The following LSG1 variants were observed in gnomAD, a reference collection of about 807,000 sequenced individuals.
LSG1 encodes large subunit GTPase 1 homolog.
Under a neutral mutation model 82.6 loss-of-function variants are expected in LSG1, and 55 were observed. That is an observed-to-expected ratio of 0.67 (90% CI 0.54 to 0.83). LSG1 has a LOEUF of 0.83. Ranked by LOEUF, LSG1 falls within the 40% of genes least tolerant of loss-of-function variation. The pLI is 0.00. For missense variants in LSG1, 809 were observed against 807.9 expected (o/e 1.00, Z -0.02); for synonymous variants, 272 against 282.5 (o/e 0.96, Z 0.37).
At chr3:194,648,075 A>ATTT (rs990548703) in intron 11 of LSG1, among the ~76,000 whole-genome samples, 1,596 of 117,896 alleles carry the variant, frequency 0.014, 46 homozygotes, top group African/African-American at 0.049. Context: ...CCACACTGCT[A>ATTT]TTTTTTTTTT....
intron 5 of LSG1, among the ~76,000 whole-genome samples, chr3:194,665,126 CCCTGGTG>C (rs1049057252): frequency 6.6e-6 from 1 of 152,116 alleles, no homozygotes; most frequent in Non-Finnish European, 1.5e-5. Context: ...ATCTGTGTGT[CCCTGGTG>C]CCTGGTGCTT....
chr3:194,665,090 C>T (rs1210579778), intron 5 of LSG1, among the ~76,000 whole-genome samples: 5 of 152,178 alleles, frequency 3.3e-5, no homozygotes, highest in Non-Finnish European at 5.9e-5. Flanking sequence ...ATTAAGTTTT[C>T]TGAGTGCAAG....
chr3:194,656,221 A>C (rs1000447251), intron 7 of LSG1, among the ~76,000 whole-genome samples: 1 of 151,300 alleles, frequency 6.6e-6, no homozygotes, highest in African/African-American at 2.4e-5. Context: ...GGCAACCTAC[A>C]GAATGGGAGA....
chr3:194,641,564 G>A lies in LSG1; in HGVS notation c.*504C>T, dbSNP rs1197431685. 1 of 152,422 alleles carries A rather than the reference G, an allele frequency of 6.6e-6. No homozygotes were observed. Among genetic ancestry groups the A allele is most frequent in the East Asian group, 1.9e-4 (1 of 5,200 alleles). The allele number at this position is 152,422 out of a possible 1,614,324, so 9.4% of individuals were successfully genotyped here. On this transcript the variant is annotated 3_prime_UTR_variant, in exon 14 of 14. Transcript: ENST00000265245. Reference sequence around the variant, plus strand: ...GGAACCCAACTAGGACACTCAGAATGGGGAATTTCTCTTTCACCTTCGTCC... The same window carrying A: ...GGAACCCAACTAGGACACTCAGAATAGGGAATTTCTCTTTCACCTTCGTCC...
Position 194,648,713 on chromosome 3 carries a change from G to A in LSG1, c.1511C>T (p.Pro504Leu). The A allele has an allele frequency of 6.2e-7, 1 of 1,614,016 alleles. No homozygotes were observed. Among genetic ancestry groups the A allele is most frequent in the Non-Finnish European group, 8.5e-7 (1 of 1,179,968 alleles). The stretch of plus-strand genomic sequence containing the variant: ...AGCTGTCAACAGTTCTTCCGATGTT[G>A]GAGGTCGGTGGGGATCTTCATCCTC... Reference protein sequence around the residue: ...PREDEDPHRPPTSEELLTAYG... With the variant: ...PREDEDPHRPLTSEELLTAYG... Residue 504 changes from proline to leucine, a missense_variant, in exon 11 of 14, where the codon CCA becomes CTA. Pro to Leu is a moderately conservative substitution (Grantham distance 98). Transcript: ENST00000265245.
chr3:194,653,610 T>C (rs1289255994), intron 7 of LSG1, among the ~76,000 whole-genome samples: 2 of 151,890 alleles, frequency 1.3e-5, no homozygotes, highest in African/African-American at 2.4e-5. Context: ...TTCAGTTCAG[T>C]GCCGTGACAG....
rs745459765 is a variant in LSG1 at position 194,670,114 on chromosome 3, CATT to C, written c.118_120del (p.Asn40del). 6.8e-6 allele frequency: 11 copies of C among 1,607,778 alleles called. No homozygotes were observed. Among genetic ancestry groups the C allele is most frequent in the Non-Finnish European group, 7.6e-6 (9 of 1,178,222 alleles). On this transcript the variant is annotated inframe_deletion, in exon 2 of 14. Coordinates refer to ENST00000265245, the MANE Select transcript of LSG1 (RefSeq NM_018385.3). ...TTAAGACGACCCCAATCATAGCCAT[CATT>C]GAGTTCACTTGTGTGCAACTATGAA... is the stretch of plus-strand genomic sequence containing the variant.
In LSG1 at chr3:194,645,515, C is replaced by CACACACACACAGACAG. The variant is rs1560219520; in HGVS notation, c.1623+648_1623+649insCTGTCTGTGTGTGTGT. On this transcript the variant is annotated intron_variant, in intron 12 of 13. Transcript: ENST00000265245. Reference sequence around the variant, plus strand: ...AGTGCTACACACACACACACACACACACACACACACACACAGACAGACACA... The same window carrying CACACACACACAGACAG: ...AGTGCTACACACACACACACACACACACACACACACAGACAGACACACACACACACAGACAGACACA... The CACACACACACAGACAG allele has an allele frequency of 2.3e-3, 125 of 53,956 alleles. 6 individuals are homozygous for CACACACACACAGACAG. The highest frequency in any genetic ancestry group is 3.6e-3 in the Non-Finnish European group (85 of 23,796). The allele number at this position is 53,956 out of a possible 1,614,324, so 3.3% of individuals were successfully genotyped here. A position where few individuals can be genotyped will look rare whatever the true frequency, so the allele number is the denominator to read the frequency against.
chr3:194,653,390 C>T (rs1718721645), intron 7 of LSG1, among the ~76,000 whole-genome samples: 1 of 152,014 alleles, frequency 6.6e-6, no homozygotes, highest in South Asian at 2.1e-4. Context: ...TGGTGCACAC[C>T]TGTAATCCCA....
At chr3:194,667,578 G>A (rs1191163465) in intron 2 of LSG1, among the ~76,000 whole-genome samples, 1 of 151,892 alleles carries the variant, frequency 6.6e-6, no homozygotes, top group Non-Finnish European at 1.5e-5. Flanking sequence ...TTCCAGCTGT[G>A]GCTCTCTCAC....
chr3:194,642,546 T>C (rs140737703), intron 13 of LSG1, among the ~76,000 whole-genome samples: 54 of 152,214 alleles, frequency 3.5e-4, no homozygotes, highest in African/African-American at 1.2e-3. Context: ...ACTTAACCTG[T>C]TTCAACCACA....
In LSG1 at chr3:194,651,209, T is replaced by C. The variant is rs34461158; in HGVS notation, c.1181A>G (p.Tyr394Cys). Residue 394 changes from tyrosine (Y) to cysteine (C), a missense_variant, in exon 9 of 14, where the codon TAC becomes TGC. Tyr to Cys is a radical substitution (Grantham distance 194). Coordinates refer to ENST00000265245, the MANE Select transcript of LSG1 (RefSeq NM_018385.3). ...DGQLTVGLVG[Y>C]PNVGKSSTIN... ...TGTTGAACTCTTACCAACATTAGGG[T>C]AGCCCACCTAGAAGAGACTCAGAAG... is the stretch of plus-strand genomic sequence containing the variant. The C allele has an allele frequency of 1.5e-4, 239 of 1,612,858 alleles. No homozygotes were observed. The highest frequency in any genetic ancestry group is 1.6e-4 in the Middle Eastern group (1 of 6,084).
chr3:194,662,919 G>A (rs901326107), intron 5 of LSG1, among the ~76,000 whole-genome samples: 1 of 152,146 alleles, frequency 6.6e-6, no homozygotes, highest in Non-Finnish European at 1.5e-5. Context: ...CACCTAAACA[G>A]GCAGGCTTGT....
At chr3:194,660,673 GCAAA>G in intron 5 of LSG1, 2 of 300,230 alleles carry the variant, frequency 6.7e-6, no homozygotes, top group South Asian at 5.9e-5. Flanking sequence ...CATATTTTTG[GCAAA>G]CAATCATCCA....
chr3:194,654,996 AC>A (rs1718763176), intron 7 of LSG1, among the ~76,000 whole-genome samples: 1 of 152,214 alleles, frequency 6.6e-6, no homozygotes, highest in African/African-American at 2.4e-5. Context: ...ATATCAGGCT[AC>A]TTCTAATACA....
chr3:194,656,762 T>A (rs1181534980), intron 7 of LSG1, among the ~76,000 whole-genome samples: 1 of 151,980 alleles, frequency 6.6e-6, no homozygotes, highest in African/African-American at 2.4e-5. Flanking sequence ...TGTCCAACAA[T>A]GATAGACTGG....
rs200962492 is a variant in LSG1 at position 194,672,081 on chromosome 3, G to A, written c.82C>T (p.Arg28Cys). ...RHQTQRSRSH[R>C]HTDSWLHTSE... is the part of the protein sequence containing the mutation. Reference sequence around the variant, plus strand: ...TGTCTTACCCAGGAGTCAGTGTGACGATGGCTTCGGCTCCGCTGAGTCTGA... The same window carrying A: ...TGTCTTACCCAGGAGTCAGTGTGACAATGGCTTCGGCTCCGCTGAGTCTGA... The change falls in exon 1 of 14, where the codon CGT becomes TGT. Residue 28 changes from arginine (R) to cysteine (C), a missense_variant. By Grantham distance (180) the Arg-to-Cys change is radical. Coordinates refer to ENST00000265245, the MANE Select transcript of LSG1 (RefSeq NM_018385.3). 112 of 1,611,962 alleles carry A rather than the reference G, an allele frequency of 6.9e-5. No individual in the cohort carries two copies. Among genetic ancestry groups the A allele is most frequent in the Non-Finnish European group, 8.0e-5 (94 of 1,179,930 alleles).
intron 8 of LSG1, among the ~76,000 whole-genome samples, chr3:194,651,896 G>C (rs1398839733): frequency 6.6e-6 from 1 of 152,188 alleles, no homozygotes; most frequent in Non-Finnish European, 1.5e-5. Context: ...AGGTCTGTCT[G>C]ATTCCACAGA....
chr3:194,646,285 A>C (rs376646451), intron 11 of LSG1, 42 bp from the exon 12 acceptor site: 5 of 1,496,204 alleles, frequency 3.3e-6, no homozygotes, highest in Non-Finnish European at 3.7e-6. Context: ...AGATGACAGA[A>C]TATCACAACA....
Sources: gnomAD v4.1 joint callset for allele counts (sites outside exome capture counted in the v4.1 genomes callset) on GRCh38, gnomAD v4.1.1 for gene constraint, MANE v1.5 for transcripts, NCBI Gene and HGNC (gene_info 2026-07-23, HGNC 2026-07-21) for gene names.